Variants in OSBPL11 observed in about 807,000 individuals in gnomAD.
OSBPL11 encodes the protein oxysterol-binding protein-related protein 11.
OSBPL11 carries 33 observed loss-of-function variants against 84.4 expected under a neutral mutation model. The ratio of observed to expected loss-of-function variants is 0.39; its 90% confidence interval spans 0.30 to 0.52. The LOEUF is 0.52. Ranked by LOEUF, OSBPL11 falls within the 20% of genes least tolerant of loss-of-function variation. OSBPL11 has a pLI of 0.72. For synonymous variants in OSBPL11, 276 were observed against 310.2 expected (o/e 0.89, Z 1.16); for missense variants, 736 against 901.1 (o/e 0.82, Z 2.35).
intron 5 of OSBPL11, among the ~76,000 whole-genome samples, chr3:125,568,637 C>G (rs1458329190): frequency 6.6e-6 from 1 of 152,154 alleles, no homozygotes; most frequent in Non-Finnish European, 1.5e-5. Flanking sequence ...CTTTCCTAAC[C>G]AAACTTTCTG....
At chr3:125,542,042 T>C (rs1449817326) in intron 10 of OSBPL11, among the ~76,000 whole-genome samples, 5 of 152,144 alleles carry the variant, frequency 3.3e-5, no homozygotes, top group Non-Finnish European at 1.5e-5. Flanking sequence ...GATATACAAA[T>C]AAAAGTTAGG....
intron 1 of OSBPL11, among the ~76,000 whole-genome samples, chr3:125,587,563 GAGA>G (rs1410480093): frequency 6.6e-6 from 1 of 152,178 alleles, no homozygotes; most frequent in Non-Finnish European, 1.5e-5. Context: ...GGGGAATACA[GAGA>G]AGAAATCAGG....
chr3:125,564,780 G>A (rs569605626), intron 6 of OSBPL11, among the ~76,000 whole-genome samples: 2 of 151,168 alleles, frequency 1.3e-5, no homozygotes, highest in East Asian at 1.9e-4. Context: ...TCAGCCTCCC[G>A]GGTAGCTGGG....
chr3:125,588,781 A>C (rs945222762), intron 1 of OSBPL11, among the ~76,000 whole-genome samples: 3 of 152,188 alleles, frequency 2.0e-5, no homozygotes, highest in Non-Finnish European at 4.4e-5. Context: ...TTATTTGCTG[A>C]ATGAATTAAG....
In OSBPL11 at chr3:125,563,845, T is replaced by C; in HGVS notation, c.869-2A>G. 1 of 1,612,476 alleles carries C rather than the reference T, an allele frequency of 6.2e-7. No homozygotes were observed. The highest frequency in any genetic ancestry group is 8.5e-7 in the Non-Finnish European group (1 of 1,179,682). On this transcript the variant is annotated splice_acceptor_variant, in intron 6 of 12. Coordinates refer to ENST00000296220, the MANE Select transcript of OSBPL11 (RefSeq NM_022776.5). LOFTEE classifies it high-confidence loss of function. ...GTTCTAACCACTCGATTGTCGTTCC[T>C]GATGGAGTAAGAGAAAACTTTCGCT...
intron 5 of OSBPL11, among the ~76,000 whole-genome samples, chr3:125,574,902 G>A (rs1559845457): frequency 1.3e-5 from 2 of 152,042 alleles, no homozygotes; most frequent in Non-Finnish European, 2.9e-5. Context: ...ACAGACCAAT[G>A]GATTTTCATG....
At chr3:125,553,325 C>T (rs893300395) in intron 8 of OSBPL11, among the ~76,000 whole-genome samples, 1 of 152,044 alleles carries the variant, frequency 6.6e-6, no homozygotes, top group African/African-American at 2.4e-5. Flanking sequence ...GATGAATGAC[C>T]AAGACATGAG....
chr3:125,583,401 C>G (rs1322502077), intron 1 of OSBPL11, among the ~76,000 whole-genome samples: 1 of 150,820 alleles, frequency 6.6e-6, no homozygotes, highest in African/African-American at 2.4e-5. Flanking sequence ...GTCAACATGG[C>G]GAAAACCCAT....
intron 11 of OSBPL11, among the ~76,000 whole-genome samples, chr3:125,532,577 C>CAAAAAAAAAA (rs371653670): frequency 1.3e-4 from 7 of 53,962 alleles, no homozygotes; most frequent in Non-Finnish European, 1.6e-4. Context: ...AAATCTCAAG[C>CAAAAAAAAAA]AAAAAAAAAA....
At chr3:125,577,397 C>T (rs1936341447) in intron 4 of OSBPL11, among the ~76,000 whole-genome samples, 1 of 152,124 alleles carries the variant, frequency 6.6e-6, no homozygotes, top group African/African-American at 2.4e-5. Flanking sequence ...CCAATAAGCA[C>T]ACGAAAAGGT....
At chr3:125,589,351 A>AAC (rs1330338090) in intron 1 of OSBPL11, among the ~76,000 whole-genome samples, 2 of 151,710 alleles carry the variant, frequency 1.3e-5, no homozygotes. Context: ...TCAAAAAAAA[A>AAC]AAAAAAAAAC....
At chr3:125,567,957 G>A (rs1344314754) in intron 5 of OSBPL11, among the ~76,000 whole-genome samples, 5 of 144,282 alleles carry the variant, frequency 3.5e-5, no homozygotes, top group African/African-American at 1.3e-4. Context: ...TCACACCACT[G>A]AACTGCAGCC....
At chr3:125,545,923 G>A (rs770833218) in intron 10 of OSBPL11, among the ~76,000 whole-genome samples, 2 of 152,104 alleles carry the variant, frequency 1.3e-5, no homozygotes, top group Non-Finnish European at 2.9e-5. Context: ...GAGGAAGGAG[G>A]CATGGGCATT....
At chr3:125,532,053 A>G (rs1935566937) in intron 11 of OSBPL11, 39 bp from the exon 12 acceptor site, 6 of 1,567,690 alleles carry the variant, frequency 3.8e-6, no homozygotes, top group Non-Finnish European at 5.2e-6. Context: ...AGCATTCTTT[A>G]AAAGAGATAA....
Position 125,538,653 on chromosome 3 carries a change from A to G in OSBPL11, c.1842-20T>C. On this transcript the variant is annotated intron_variant, in intron 10 of 12. Transcript: ENST00000296220. ...GTAACCCTAGAAGCAGACAGAAAAGAAAGATATGCTCTAATAAGTGATATC... is the reference window on the plus strand; with the variant it reads ...GTAACCCTAGAAGCAGACAGAAAAGGAAGATATGCTCTAATAAGTGATATC... 6.3e-7 allele frequency: 1 copy of G among 1,589,898 alleles called. No homozygotes were observed. Among genetic ancestry groups the G allele is most frequent in the South Asian group, 1.1e-5 (1 of 87,602 alleles).
chr3:125,574,035 G>A (rs1936280338), intron 5 of OSBPL11, among the ~76,000 whole-genome samples: 1 of 152,114 alleles, frequency 6.6e-6, no homozygotes, highest in South Asian at 2.1e-4. Context: ...TTCTAGAACA[G>A]TAATTCTCAA....
intron 11 of OSBPL11, among the ~76,000 whole-genome samples, chr3:125,537,204 T>TA (rs1237800109): frequency 6.6e-6 from 1 of 151,602 alleles, no homozygotes; most frequent in East Asian, 1.9e-4. Flanking sequence ...ATCCAGATTT[T>TA]AAAAAAACTA....
intron 10 of OSBPL11, among the ~76,000 whole-genome samples, chr3:125,541,184 T>C (rs1032710256): frequency 5.3e-5 from 8 of 152,220 alleles, no homozygotes; most frequent in Admixed American, 2.0e-4. Flanking sequence ...AGGGAACTGA[T>C]CACACAGTAA....
rs1199719480 is a variant in OSBPL11, at chr3:125,528,924, A to AT, written c.*1590dup. ...ACAGGAACTATAACTCATTTTGAGG[A>AT]TTTTTTTCAGTGCATTTCACAGCAA... On this transcript the variant is annotated 3_prime_UTR_variant, in exon 13 of 13. Coordinates refer to ENST00000296220, the MANE Select transcript of OSBPL11 (RefSeq NM_022776.5). 20 of 152,704 alleles carry AT rather than the reference A, an allele frequency of 1.3e-4. No homozygotes were observed. In the East Asian group the frequency reaches 3.1e-3, roughly 24 times the overall value. 9.5% of individuals were successfully genotyped at this position (152,704 alleles called of 1,614,324 possible).
Sources: allele counts gnomAD v4.1 joint callset (sites outside exome capture counted in the v4.1 genomes callset), GRCh38; gene constraint gnomAD v4.1.1; transcripts MANE v1.5; gene names NCBI Gene and HGNC (gene_info 2026-07-23, HGNC 2026-07-21).